Variants in VRK2 observed in about 807,000 individuals in gnomAD.
The protein encoded by VRK2 is serine/threonine-protein kinase VRK2.
A neutral mutation model predicts 57.6 loss-of-function variants in VRK2; 60 were observed. The observed-to-expected ratio is 1.04, with a 90% CI of 0.85 to 1.29. The LOEUF (loss-of-function observed/expected upper bound fraction) is 1.29. Ranked by LOEUF, VRK2 falls within the 50% of genes most tolerant of loss-of-function variation. VRK2 has a pLI of 0.00. For missense variants in VRK2, 705 were observed against 588.1 expected (o/e 1.20, Z -2.06); for synonymous variants, 231 against 199.2 (o/e 1.16, Z -1.35).
intron 2 of VRK2, among the ~76,000 whole-genome samples, chr2:58,068,421 T>G (rs1247512870): frequency 1.3e-5 from 2 of 152,180 alleles, no homozygotes; most frequent in Admixed American, 6.5e-5. Context: ...CCCCTATACA[T>G]AATGCATTGT....
intron 1 of VRK2, among the ~76,000 whole-genome samples, chr2:57,989,686 G>GTATTCATATATGT (rs1164902309): frequency 6.6e-6 from 1 of 152,138 alleles, no homozygotes; most frequent in Non-Finnish European, 1.5e-5. Context: ...AAATCTGAAA[G>GTATTCATATATGT]ATAAGCTGAG....
In VRK2 at chr2:58,066,507, A is replaced by G. The variant is rs562267494; in HGVS notation, c.136+17540A>G. Among the ~76,000 whole-genome samples, 48 of 152,234 alleles carry G rather than the reference A, an allele frequency of 3.2e-4. 1 individual carries two copies. In the South Asian group the frequency reaches 8.3e-3, roughly 26 times the overall value. On this transcript the variant is annotated intron_variant, in intron 2 of 12. Transcript: ENST00000340157. ...CTTTCCATCTTTGTTAAGGAGGACTATTAGTGTATACTTTTATTTATTTAT... is the reference window on the plus strand; with the variant it reads ...CTTTCCATCTTTGTTAAGGAGGACTGTTAGTGTATACTTTTATTTATTTAT...
chr2:57,968,261 C>T (rs941607259), intron 1 of VRK2, among the ~76,000 whole-genome samples: 5 of 151,682 alleles, frequency 3.3e-5, no homozygotes, highest in Admixed American at 1.3e-4. Flanking sequence ...AAGAAAACTA[C>T]GGAAAAAGAA....
chr2:57,951,373 C>G (rs1671423129), intron 1 of VRK2, among the ~76,000 whole-genome samples: 1 of 152,112 alleles, frequency 6.6e-6, no homozygotes, highest in Non-Finnish European at 1.5e-5. Flanking sequence ...AAAGTGGTTT[C>G]CTGAGATAGT....
At chr2:58,016,586 T>G (rs949547727) in intron 1 of VRK2, among the ~76,000 whole-genome samples, 1 of 152,074 alleles carries the variant, frequency 6.6e-6, no homozygotes, top group Admixed American at 6.5e-5. Context: ...CTCAAAACTC[T>G]TGACCTCAGG....
At chr2:57,944,538 C>T (rs1194436250) in intron 1 of VRK2, among the ~76,000 whole-genome samples, 1 of 152,150 alleles carries the variant, frequency 6.6e-6, no homozygotes, top group Non-Finnish European at 1.5e-5. Context: ...AGATCAAGAC[C>T]ATCCTGGCTA....
At chr2:57,908,324 T>C (rs1367337492) in intron 1 of VRK2, among the ~76,000 whole-genome samples, 1 of 152,198 alleles carries the variant, frequency 6.6e-6, no homozygotes, top group African/African-American at 2.4e-5. Context: ...CTATGATATA[T>C]TATAATTATA....
chr2:58,114,857 A>G (rs1350945380), intron 7 of VRK2, among the ~76,000 whole-genome samples: 2 of 152,174 alleles, frequency 1.3e-5, no homozygotes, highest in Admixed American at 1.3e-4. Context: ...AAAGGCCATT[A>G]CTTATTCAGT....
chr2:58,003,396 C>T (rs1330210109), intron 1 of VRK2, among the ~76,000 whole-genome samples: 1 of 151,994 alleles, frequency 6.6e-6, no homozygotes, highest in African/African-American at 2.4e-5. Flanking sequence ...GGCTTTAGCA[C>T]CACCGGGAAA....
chr2:58,077,150 T>G (rs2104056038), intron 2 of VRK2, among the ~76,000 whole-genome samples: 1 of 152,192 alleles, frequency 6.6e-6, no homozygotes, highest in South Asian at 2.1e-4. Flanking sequence ...TTTTTGTCTT[T>G]TATGAGCTTA....
intron 1 of VRK2, among the ~76,000 whole-genome samples, chr2:57,952,800 C>T (rs1328567459): frequency 6.6e-6 from 1 of 150,438 alleles, no homozygotes; most frequent in Non-Finnish European, 1.5e-5. Context: ...TTAATTGAAA[C>T]CCAACCCAAG....
chr2:58,049,243 T>A (rs902768223), intron 2 of VRK2, among the ~76,000 whole-genome samples: 6 of 152,150 alleles, frequency 3.9e-5, no homozygotes, highest in Non-Finnish European at 8.8e-5. Context: ...TCTTTTTTTT[T>A]GAGAGCTTGT....
At chr2:58,065,440 AGTT>A (rs1200912741) in intron 2 of VRK2, among the ~76,000 whole-genome samples, 4 of 152,064 alleles carry the variant, frequency 2.6e-5, no homozygotes, top group Admixed American at 1.3e-4. Context: ...GATTGACCCA[AGTT>A]GTTGTGTGTG....
At chr2:58,055,592 A>T (rs973091969) in intron 2 of VRK2, among the ~76,000 whole-genome samples, 4 of 152,182 alleles carry the variant, frequency 2.6e-5, no homozygotes, top group African/African-American at 9.7e-5. Flanking sequence ...AGTGGAGATG[A>T]ATATTTCTGT....
At chr2:58,054,431 T>A (rs371847826) in intron 2 of VRK2, among the ~76,000 whole-genome samples, 6 of 151,972 alleles carry the variant, frequency 3.9e-5, no homozygotes, top group Non-Finnish European at 7.4e-5. Flanking sequence ...GTGGGGAAAT[T>A]TCTTCTTCCT....
At chr2:58,051,315 A>G (rs1675704601) in intron 2 of VRK2, among the ~76,000 whole-genome samples, 2 of 151,640 alleles carry the variant, frequency 1.3e-5, no homozygotes, top group Middle Eastern at 3.4e-3. Flanking sequence ...ATATTTAGCT[A>G]TTTTCAGAAA....
At chr2:57,973,837 GC>G (rs2104027504) in intron 1 of VRK2, among the ~76,000 whole-genome samples, 1 of 151,776 alleles carries the variant, frequency 6.6e-6, no homozygotes, top group South Asian at 2.1e-4. Flanking sequence ...AGCAGCTGAG[GC>G]CAATATCTAG....
chr2:58,119,513 T>A (rs530128154), intron 7 of VRK2, among the ~76,000 whole-genome samples: 10 of 145,178 alleles, frequency 6.9e-5, no homozygotes, highest in Non-Finnish European at 1.1e-4. Flanking sequence ...CATGCCAAAG[T>A]GCTGTAATTT....
chr2:58,140,750 C>G (rs1306461112), intron 11 of VRK2, among the ~76,000 whole-genome samples: 9 of 152,016 alleles, frequency 5.9e-5, no homozygotes, highest in Non-Finnish European at 4.4e-5. Flanking sequence ...AAATATCCTT[C>G]TAGTCATAAA....
Sources: allele counts gnomAD v4.1 joint callset (sites outside exome capture counted in the v4.1 genomes callset), GRCh38; gene constraint gnomAD v4.1.1; transcripts MANE v1.5; gene names NCBI Gene and HGNC (gene_info 2026-07-23, HGNC 2026-07-21).